The following COL11A2 variants were observed in gnomAD, a reference collection of about 807,000 sequenced individuals.
The protein encoded by COL11A2 is collagen type XI alpha 2 chain, also known as collagen alpha-2(XI) chain.
COL11A2 carries 116 observed loss-of-function variants against 273.4 expected under a neutral mutation model. The ratio of observed to expected loss-of-function variants is 0.42; its 90% CI spans 0.36 to 0.49. COL11A2 has a LOEUF of 0.49. Ranked by LOEUF, COL11A2 falls within the 20% of genes least tolerant of loss-of-function variation. COL11A2 has a pLI of 0.00. For missense variants in COL11A2, 1,866 were observed against 2,309.0 expected (o/e 0.81, Z 3.93); for synonymous variants, 782 against 864.2 (o/e 0.90, Z 1.67).
At chr6:33,188,602 T>C (rs1259919339) in intron 3 of COL11A2, 78 bp from the exon 4 acceptor site, 3 of 1,560,762 alleles carry the variant, frequency 1.9e-6, no homozygotes, top group Middle Eastern at 1.7e-4. Flanking sequence ...AGAGCAGTGA[T>C]AAGAGTTGAA....
At chr6:33,182,747 T>C (rs777913019) in intron 8 of COL11A2, among the ~76,000 whole-genome samples, 5 of 150,146 alleles carry the variant, frequency 3.3e-5, no homozygotes, top group Admixed American at 6.6e-5. Flanking sequence ...CCCCACTGAA[T>C]GCATTGCCCT....
rs762380141 is a variant in COL11A2 at position 33,177,781 on chromosome 6, C to T, written c.1873-75G>A. ...TGTGGTTTTCAGAGGCCCGGCCATT[C>T]CCGAGGGTGTGACGGTCAGACCTCC... is the stretch of plus-strand genomic sequence containing the variant. On this transcript the variant is annotated intron_variant, in intron 21 of 65. Coordinates refer to ENST00000341947, the MANE Select transcript of COL11A2 (RefSeq NM_080680.3). This position sits in a 1 kb window ranked among gnomAD's most constrained non-coding sequence, Gnocchi z 5.9. 44 of 1,539,050 alleles carry T rather than the reference C, an allele frequency of 2.9e-5. No homozygotes were observed. In the African/African-American group the frequency reaches 6.0e-4, roughly 21 times the overall value.
Position 33,189,015 on chromosome 6 carries a change from G to C in COL11A2, c.406C>G (p.Gln136Glu). ...DQTGRPQPPS[Q>E]PVFRGLSLAD... ...AGGCTGAGGCCTCGGAAGACTGGCT[G>C]AGAGGGAGGTTGAGGCCGCCCAGTC... The change falls in exon 3 of 66, where the codon CAG becomes GAG. Residue 136 changes from glutamine to glutamate, a missense_variant. Gln to Glu is a conservative substitution (Grantham distance 29). Coordinates refer to ENST00000341947, the MANE Select transcript of COL11A2 (RefSeq NM_080680.3). This position sits in a 1 kb window ranked among gnomAD's most constrained non-coding sequence, Gnocchi z 5.6. The C allele has an allele frequency of 6.2e-7, 1 of 1,614,206 alleles. No homozygotes were observed. Among genetic ancestry groups the C allele is most frequent in the Non-Finnish European group, 8.5e-7 (1 of 1,180,034 alleles).
chr6:33,175,966 G>T (rs1184768993), intron 29 of COL11A2, 50 bp downstream of exon 29: 5 of 1,601,950 alleles, frequency 3.1e-6, no homozygotes, highest in Non-Finnish European at 3.4e-6. Context: ...TCTCCAGAGT[G>T]GAGGCTCAGT....
Position 33,173,162 on chromosome 6 carries a change from T to TG in COL11A2, c.2737-50dup. The stretch of plus-strand genomic sequence containing the variant: ...GCAGTGAAAGCAGGTGTGGGCGCTG[T>TG]GGGGCAGATTCCCAGGAGGAAGGAT... On this transcript the variant is annotated intron_variant, in intron 37 of 65. Transcript: ENST00000341947. The surrounding 1 kb of genome is among the most constrained non-coding windows in gnomAD (Gnocchi z 6.3). 6.3e-7 allele frequency: 1 copy of TG among 1,585,224 alleles called. No individual in the cohort carries two copies. The highest frequency in any genetic ancestry group is 8.6e-7 in the Non-Finnish European group (1 of 1,163,752).
Position 33,165,421 on chromosome 6 carries a change from C to T in COL11A2, c.4750+128G>A, listed in dbSNP as rs920408620. ...TTCTGACCTGGTTAGTAAATAGCTGCAGTTCCCAGCCCCTCAGCCCTCACC... is the reference window on the plus strand; with the variant it reads ...TTCTGACCTGGTTAGTAAATAGCTGTAGTTCCCAGCCCCTCAGCCCTCACC... On this transcript the variant is annotated intron_variant, in intron 63 of 65. Transcript: ENST00000341947. This position sits in a 1 kb window ranked among gnomAD's most constrained non-coding sequence, Gnocchi z 7.7. The T allele has an allele frequency of 4.2e-5, 59 of 1,392,698 alleles. No individual in the cohort carries two copies. Among genetic ancestry groups the T allele is most frequent in the Non-Finnish European group, 5.6e-5 (56 of 997,074 alleles). 86.3% of individuals were successfully genotyped at this position (1,392,698 alleles called of 1,614,324 possible).
Position 33,179,017 on chromosome 6 carries a change from C to A in COL11A2, c.1612-44G>T. 1.2e-6 allele frequency: 2 copies of A among 1,613,782 alleles called. No individual in the cohort carries two copies. The highest frequency in any genetic ancestry group is 1.7e-6 in the Non-Finnish European group (2 of 1,179,762). ...TGTCAGAACAAGCAGGGCCGCAGTC[C>A]CCTACCCTGCAGGCCCTGTCTCCCC... On this transcript the variant is annotated intron_variant, in intron 16 of 65. Coordinates refer to ENST00000341947, the MANE Select transcript of COL11A2 (RefSeq NM_080680.3). The surrounding 1 kb of genome is among the most constrained non-coding windows in gnomAD (Gnocchi z 6.4).
At position 33,177,096 on chromosome 6, in the gene COL11A2, A is replaced by G. The variant is rs1053697797; in HGVS notation, c.2017-51T>C. On this transcript the variant is annotated intron_variant, in intron 24 of 65. Transcript: ENST00000341947. This position sits in a 1 kb window ranked among gnomAD's most constrained non-coding sequence, Gnocchi z 5.9. ...GTCACTAGAGGGGTCATGTCTGGAC[A>G]CAGACAAAATCCCAGCAGACATTTA... 5 of 1,611,450 alleles carry G rather than the reference A, an allele frequency of 3.1e-6. No individual in the cohort carries two copies. Among genetic ancestry groups the G allele is most frequent in the Non-Finnish European group, 4.2e-6 (5 of 1,178,666 alleles).
rs1213141372 is a variant in COL11A2, at chr6:33,164,823, G to A, written c.4863+29C>T. The A allele has an allele frequency of 1.3e-6, 2 of 1,538,988 alleles. No individual in the cohort carries two copies. The highest frequency in any genetic ancestry group is 1.7e-4 in the Middle Eastern group (1 of 5,898). On this transcript the variant is annotated intron_variant, in intron 64 of 65. Transcript: ENST00000341947. This position sits in a 1 kb window ranked among gnomAD's most constrained non-coding sequence, Gnocchi z 4.7. ...CCTGAGGGGGTGCACTATGGGGCAG[G>A]GGAGGGGCAGCGAGGGGCCAGCTCT...
chr6:33,166,920 C>T lies in COL11A2; in HGVS notation c.4231-93G>A. The T allele has an allele frequency of 6.6e-7, 1 of 1,525,402 alleles. No individual in the cohort carries two copies. The allele number at this position is 1,525,402 out of a possible 1,614,324, so 94.5% of individuals were successfully genotyped here. A position where few individuals can be genotyped will look rare whatever the true frequency, so the allele number is the denominator to read the frequency against. ...GAGGACATGGAGAGGGAGCCGGGCA[C>T]AGGGTCCGTGAGTGGCCCTCACTGA... On this transcript the variant is annotated intron_variant, in intron 58 of 65. Transcript: ENST00000341947. This position sits in a 1 kb window ranked among gnomAD's most constrained non-coding sequence, Gnocchi z 4.8.
At chr6:33,182,722 A>C (rs1342522955) in intron 8 of COL11A2, among the ~76,000 whole-genome samples, 1 of 152,066 alleles carries the variant, frequency 6.6e-6, no homozygotes, top group Non-Finnish European at 1.5e-5. Context: ...AAAAAAAAAA[A>C]AATTGGAGAG....
Position 33,168,503 on chromosome 6 carries a change from G to T in COL11A2, c.3960+16C>A. The T allele has an allele frequency of 6.2e-7, 1 of 1,613,228 alleles. No homozygotes were observed. Among genetic ancestry groups the T allele is most frequent in the Non-Finnish European group, 8.5e-7 (1 of 1,179,800 alleles). On this transcript the variant is annotated intron_variant, in intron 54 of 65. Coordinates refer to ENST00000341947, the MANE Select transcript of COL11A2 (RefSeq NM_080680.3). ...AGGGACTGCCTCCCAAGGTCTCAGGGGTCCACCTCACTTACTCGCTTTCCA... is the reference window on the plus strand; with the variant it reads ...AGGGACTGCCTCCCAAGGTCTCAGGTGTCCACCTCACTTACTCGCTTTCCA...
rs1265119699 is a variant in COL11A2 at position 33,164,758 on chromosome 6, C to G, written c.4863+94G>C. The G allele has an allele frequency of 2.6e-6, 3 of 1,136,940 alleles. No individual in the cohort carries two copies. Among genetic ancestry groups the G allele is most frequent in the Non-Finnish European group, 3.8e-6 (3 of 780,780 alleles). The allele number at this position is 1,136,940 out of a possible 1,614,324, so 70.4% of individuals were successfully genotyped here. ...GGGTGGCAGGCTCCGGGGGGGGCAA[C>G]AGCCAGGGGACTGTCACCAAAACCC... On this transcript the variant is annotated intron_variant, in intron 64 of 65. Transcript: ENST00000341947. The surrounding 1 kb of genome is among the most constrained non-coding windows in gnomAD (Gnocchi z 4.7).
chr6:33,185,523 G>T (rs1268231753), intron 6 of COL11A2, among the ~76,000 whole-genome samples, 178 bp downstream of exon 6: 1 of 152,020 alleles, frequency 6.6e-6, no homozygotes, highest in Non-Finnish European at 1.5e-5. Flanking sequence ...CTGTGGTGGG[G>T]GCTCCCAGGG....
chr6:33,185,003 G>A lies in COL11A2; in HGVS notation c.928C>T (p.Pro310Ser), dbSNP rs1225027198. The A allele has an allele frequency of 2.6e-6, 4 of 1,551,266 alleles. No homozygotes were observed. Among genetic ancestry groups the A allele is most frequent in the South Asian group, 2.4e-5 (2 of 84,024 alleles). The change falls in exon 7 of 66, where the codon CCC becomes TCC. Residue 310 changes from proline (P) to serine (S), a missense_variant. Transcript: ENST00000341947. Reference sequence around the variant, plus strand: ...GGGCATAGAGTTACCTCCTCAAGGGGTGGCAAGAGGCTCGACTCCAGGATT... The same window carrying A: ...GGGCATAGAGTTACCTCCTCAAGGGATGGCAAGAGGCTCGACTCCAGGATT... The part of the protein sequence containing the change: ...EEILESSLLP[P>S]LEEEQTDLQV...
Position 33,189,273 on chromosome 6 carries a change from C to T in COL11A2, c.232+47G>A, listed in dbSNP as rs775176207. Reference sequence around the variant, plus strand: ...TCCTCCTGGTGTCTGATCCTAGGCCCCATCCCATTACCTCCCCCCAGGCCT... The same window carrying T: ...TCCTCCTGGTGTCTGATCCTAGGCCTCATCCCATTACCTCCCCCCAGGCCT... On this transcript the variant is annotated intron_variant, in intron 2 of 65. Transcript: ENST00000341947. This position sits in a 1 kb window ranked among gnomAD's most constrained non-coding sequence, Gnocchi z 5.6. 6 of 1,613,910 alleles carry T rather than the reference C, an allele frequency of 3.7e-6. No homozygotes were observed. Among genetic ancestry groups the T allele is most frequent in the Non-Finnish European group, 4.2e-6 (5 of 1,179,862 alleles).
intron 5 of COL11A2, 106 bp from the exon 6 acceptor site, chr6:33,185,884 C>A: frequency 1.4e-5 from 6 of 419,378 alleles, no homozygotes; most frequent in South Asian, 3.6e-5. Context: ...AGTTGGGAAA[C>A]GGGGGAGGTG....
rs528868748 is a variant in COL11A2 at position 33,183,988 on chromosome 6, C to G, written c.1119+157G>C. Among the ~76,000 whole-genome samples, 8 of 152,138 alleles carry G rather than the reference C, an allele frequency of 5.3e-5. No homozygotes were observed. The East Asian group carries it at 1.5e-3, about 29-fold the overall frequency. On this transcript the variant is annotated intron_variant, in intron 8 of 65. Transcript: ENST00000341947. ...TTGGCAAAGGAAGGCAGGTAGTAAT[C>G]TTTTCAAGCAACATATACATCATAT...
At position 33,179,284 on chromosome 6, in the gene COL11A2, C is replaced by T. The variant is rs1771377477; in HGVS notation, c.1504G>A (p.Gly502Ser). ...MGYTGRPGPLGQPGSPGLKGE... is the reference protein window; with the variant it reads ...MGYTGRPGPLSQPGSPGLKGE... ...TTCAGGCCAGGGCTCCCAGGTTGGCCCTGGGAGAGAGAAGAGAGGATGGCC... is the reference window on the plus strand; with the variant it reads ...TTCAGGCCAGGGCTCCCAGGTTGGCTCTGGGAGAGAGAAGAGAGGATGGCC... The change falls in exon 15 of 66, where the codon GGC (glycine) becomes AGC (serine). Residue 502 changes from glycine (G) to serine (S), a missense_variant and splice_region_variant. Coordinates refer to ENST00000341947, the MANE Select transcript of COL11A2 (RefSeq NM_080680.3). The surrounding 1 kb of genome is among the most constrained non-coding windows in gnomAD (Gnocchi z 6.4). 6.2e-7 allele frequency: 1 copy of T among 1,610,108 alleles called. No individual in the cohort carries two copies. The highest frequency in any genetic ancestry group is 8.5e-7 in the Non-Finnish European group (1 of 1,178,786).
Sources: allele counts gnomAD v4.1 joint callset (sites outside exome capture counted in the v4.1 genomes callset), GRCh38; gene constraint gnomAD v4.1.1; non-coding constraint Gnocchi (gnomAD v3.1); transcripts MANE v1.5; gene names NCBI Gene and HGNC (gene_info 2026-07-23, HGNC 2026-07-21).